Variants in NOCT observed in about 807,000 individuals in gnomAD.
NOCT encodes CCR4 carbon catabolite repression 4-like.
NOCT carries 18 observed loss-of-function variants against 35.0 expected under a neutral mutation model. The observed-to-expected ratio is 0.51, with a 90% CI of 0.36 to 0.76. NOCT has a LOEUF of 0.76. Ranked by LOEUF, NOCT falls within the 30% of genes least tolerant of loss-of-function variation. NOCT has a pLI of 0.01. For missense variants in NOCT, 479 were observed against 541.0 expected, an observed-to-expected ratio of 0.89 and a Z score of 1.14; for synonymous variants, 235 against 226.3, an observed-to-expected ratio of 1.04 and a Z score of -0.34.
chr4:139,030,409 A>G (rs77600374), intron 1 of NOCT, among the ~76,000 whole-genome samples: 1 of 152,268 alleles, frequency 6.6e-6, no homozygotes, highest in East Asian at 1.9e-4. Context: ...TTTTATTAAC[A>G]TTGTTTAAAG....
intron 1 of NOCT, among the ~76,000 whole-genome samples, chr4:139,025,411 G>T (rs1726494927): frequency 6.6e-6 from 1 of 152,126 alleles, no homozygotes; most frequent in South Asian, 2.1e-4. Context: ...TGGTTTCTCT[G>T]TTAATTCAAA....
At position 139,015,952 on chromosome 4, in the gene NOCT, C is replaced by T; in HGVS notation, c.-30C>T. The stretch of plus-strand genomic sequence containing the variant: ...AGCCGGGCTCCGCTCCTCGGGCGCG[C>T]GAGGGGCCGTGGTGGCGGCGGCGCC... On this transcript the variant is annotated 5_prime_UTR_variant, in exon 1 of 3. Transcript: ENST00000280614. The T allele has an allele frequency of 7.6e-7, 1 of 1,314,436 alleles. No individual in the cohort carries two copies. Among genetic ancestry groups the T allele is most frequent in the Non-Finnish European group, 9.7e-7 (1 of 1,035,698 alleles). The allele number at this position is 1,314,436 out of a possible 1,614,324, so 81.4% of individuals were successfully genotyped here. A position where few individuals can be genotyped will look rare whatever the true frequency, so the allele number is the denominator to read the frequency against.
chr4:139,028,257 G>C (rs1726559828), intron 1 of NOCT: 1 of 152,232 alleles, frequency 6.6e-6, no homozygotes, highest in African/African-American at 2.4e-5. Context: ...TCTCTTTAGA[G>C]AGCTTTTCCA....
intron 1 of NOCT, among the ~76,000 whole-genome samples, chr4:139,035,656 C>A (rs1726717175): frequency 6.6e-6 from 1 of 152,112 alleles, no homozygotes; most frequent in Non-Finnish European, 1.5e-5. Context: ...ATATATCAGC[C>A]AGTGATATTT....
Position 139,027,791 on chromosome 4 carries a change from C to T in NOCT, c.190+11620C>T, listed in dbSNP as rs1274773377. Among the ~76,000 whole-genome samples the T allele has an allele frequency of 3.9e-5, 6 of 152,184 alleles. No individual in the cohort carries two copies. In the East Asian group the frequency reaches 1.2e-3, roughly 29 times the overall value. On this transcript the variant is annotated intron_variant, in intron 1 of 2. Transcript: ENST00000280614. ...GGGATTACAGGCTTGAGCCAACGCG[C>T]CTGGCCTATTTATGAACATTAAAAT... is the stretch of plus-strand genomic sequence containing the variant.
In NOCT at chr4:139,042,499, ATTTC is replaced by A. The variant is rs995681510; in HGVS notation, c.191-572_191-569del. 5.9e-5 allele frequency among the ~76,000 whole-genome samples: 9 copies of A among 152,290 alleles called. No homozygotes were observed. In the South Asian group the frequency reaches 8.3e-4, roughly 14 times the overall value. ...TAGAAGAGGCCATCAAGATCAAAGT[ATTTC>A]TTCCTTAAAAGGATGAGTTTTCATT... On this transcript the variant is annotated intron_variant, in intron 1 of 2. Transcript: ENST00000280614.
intron 1 of NOCT, among the ~76,000 whole-genome samples, chr4:139,042,562 A>C (rs1726853495): frequency 6.6e-6 from 1 of 152,160 alleles, no homozygotes; most frequent in African/African-American, 2.4e-5. Context: ...GGTAGTACTT[A>C]AATTAACTGT....
chr4:139,033,270 A>C (rs1184096671), intron 1 of NOCT, among the ~76,000 whole-genome samples: 1 of 152,020 alleles, frequency 6.6e-6, no homozygotes, highest in Non-Finnish European at 1.5e-5. Context: ...AGGCTGAGGC[A>C]GGAGAATTGC....
chr4:139,040,310 G>A (rs1228800563), intron 1 of NOCT, among the ~76,000 whole-genome samples: 1 of 152,018 alleles, frequency 6.6e-6, no homozygotes, highest in African/African-American at 2.4e-5. Flanking sequence ...AAAGTGCTGG[G>A]ATTACAGGCT....
rs966911941 is a variant in NOCT, at chr4:139,043,337, G to A, written c.454G>A (p.Ala152Thr). The A allele has an allele frequency of 1.9e-6, 3 of 1,612,970 alleles. No homozygotes were observed. The highest frequency in any genetic ancestry group is 2.5e-6 in the Non-Finnish European group (3 of 1,179,096). The change falls in exon 2 of 3, where the codon GCC becomes ACC. Residue 152 changes from alanine (A) to threonine (T), a missense_variant. Around this residue, in one of 2 missense-constraint regions of NOCT, gnomAD observed 265 missense variants for 257.0 expected, o/e 1.03. Coordinates refer to ENST00000280614, the MANE Select transcript of NOCT (RefSeq NM_012118.4). ...PIRVMQWNILAQALGEGKDNF... is the reference protein window; with the variant it reads ...PIRVMQWNILTQALGEGKDNF... The stretch of plus-strand genomic sequence containing the variant: ...CAGGGTTATGCAATGGAACATCCTC[G>A]CCCAAGGTATGCTGGATGCTTTTGT...
At chr4:139,044,379 A>C (rs1726895270) in intron 2 of NOCT, among the ~76,000 whole-genome samples, 1 of 152,246 alleles carries the variant, frequency 6.6e-6, no homozygotes, top group East Asian at 1.9e-4. Context: ...ACTGCAAAGC[A>C]GTTTCCTTAA....
chr4:139,040,199 AT>A (rs55905006), intron 1 of NOCT, among the ~76,000 whole-genome samples: 5 of 142,392 alleles, frequency 3.5e-5, no homozygotes, highest in African/African-American at 7.7e-5. Context: ...TGCCCAGCTA[AT>A]TTTTTTTTTT....
chr4:139,034,938 T>C (rs1272931172), intron 1 of NOCT, among the ~76,000 whole-genome samples: 3 of 152,216 alleles, frequency 2.0e-5, no homozygotes, highest in African/African-American at 7.2e-5. Context: ...TTTGATCTCC[T>C]TTCTCTCTAA....
At chr4:139,017,225 CTTTTTT>C (rs547505786) in intron 1 of NOCT, among the ~76,000 whole-genome samples, 1 of 122,842 alleles carries the variant, frequency 8.1e-6, no homozygotes, top group Admixed American at 9.0e-5. Flanking sequence ...CAATACATAA[CTTTTTT>C]TTTTTTTTTT....
intron 1 of NOCT, among the ~76,000 whole-genome samples, chr4:139,022,849 C>T (rs574986480): frequency 3.9e-5 from 6 of 152,254 alleles, no homozygotes; most frequent in Non-Finnish European, 8.8e-5. Context: ...AATCCCAGCA[C>T]TTTGGGAGGC....
rs750292631 is a variant in NOCT at position 139,016,154 on chromosome 4, G to C, written c.173G>C (p.Arg58Thr). The C allele has an allele frequency of 7.9e-7, 1 of 1,269,116 alleles. No homozygotes were observed. Among genetic ancestry groups the C allele is most frequent in the South Asian group, 3.0e-5 (1 of 33,564 alleles). The allele number at this position is 1,269,116 out of a possible 1,614,324, so 78.6% of individuals were successfully genotyped here. ...GCCTCGGCGGCCTCGGGCGCCGCGAGGTCGTGTTCCCGAACAGGTGAGTGC... is the reference window on the plus strand; with the variant it reads ...GCCTCGGCGGCCTCGGGCGCCGCGACGTCGTGTTCCCGAACAGGTGAGTGC... Reference protein sequence around the residue: ...AAASAASGAARSCSRTVCSMG... With the variant: ...AAASAASGAATSCSRTVCSMG... Residue 58 changes from arginine (R) to threonine (T), a missense_variant, in exon 1 of 3, where the codon AGG becomes ACG. Physicochemically the swap from Arg to Thr is moderately conservative, Grantham distance 71 (BLOSUM62 -1). Around this residue, in one of 2 missense-constraint regions of NOCT, gnomAD observed 265 missense variants for 257.0 expected, o/e 1.03. Transcript: ENST00000280614.
In NOCT at chr4:139,015,846, A is replaced by G; in HGVS notation, c.-136A>G. The G allele has an allele frequency of 6.1e-6, 4 of 657,326 alleles. No individual in the cohort carries two copies. The highest frequency in any genetic ancestry group is 8.5e-6 in the Non-Finnish European group (4 of 471,668). The allele number at this position is 657,326 out of a possible 1,614,324, so 40.7% of individuals were successfully genotyped here. ...CTCTGCTGCCCGGGATTTCCCCAGAACCTGCGCCGCGCGAGAAGGAGCCTG... is the reference window on the plus strand; with the variant it reads ...CTCTGCTGCCCGGGATTTCCCCAGAGCCTGCGCCGCGCGAGAAGGAGCCTG... On this transcript the variant is annotated 5_prime_UTR_variant, in exon 1 of 3. Coordinates refer to ENST00000280614, the MANE Select transcript of NOCT (RefSeq NM_012118.4).
chr4:139,036,362 T>C (rs1482281629), intron 1 of NOCT, among the ~76,000 whole-genome samples: 1 of 152,168 alleles, frequency 6.6e-6, no homozygotes, highest in African/African-American at 2.4e-5. Flanking sequence ...CCTGAGTAGC[T>C]GGAATTATAA....
chr4:139,022,762 C>T lies in NOCT; in HGVS notation c.190+6591C>T, dbSNP rs1294220241. ...GTCTCACTGTGTTGCCCAGGCTGCT[C>T]TTGAGCTCTTGGCAAGTCCATGAAA... On this transcript the variant is annotated intron_variant, in intron 1 of 2. Transcript: ENST00000280614. Among the ~76,000 whole-genome samples the T allele has an allele frequency of 3.3e-5, 5 of 152,112 alleles. No individual in the cohort carries two copies. The East Asian group carries it at 9.6e-4, about 29-fold the overall frequency.
Sources: gnomAD v4.1 joint callset for allele counts (sites outside exome capture counted in the v4.1 genomes callset) on GRCh38, gnomAD v4.1.1 for gene constraint, gnomAD v4.1.1 regional missense constraint, MANE v1.5 for transcripts, NCBI Gene and HGNC (gene_info 2026-07-23, HGNC 2026-07-21) for gene names.